The following SESTD1 variants were observed in gnomAD, a reference collection of about 807,000 sequenced individuals.
SESTD1 encodes SEC14 and spectrin domain containing 1, also known as SEC14 domain and spectrin repeat-containing protein 1.
Under a neutral mutation model 101.7 loss-of-function variants are expected in SESTD1, and 43 were observed. The observed-to-expected ratio is 0.42, with a 90% CI of 0.33 to 0.55. The LOEUF is 0.55. Among genes scored for constraint, SESTD1 ranks in the 20% least tolerant of loss-of-function variants. SESTD1 has a pLI of 0.07. For missense variants in SESTD1, 647 were observed against 815.1 expected (o/e 0.79, Z 2.51); for synonymous variants, 283 against 286.8 (o/e 0.99, Z 0.13).
chr2:179,195,035 C>A (rs2046369176), intron 1 of SESTD1, among the ~76,000 whole-genome samples: 1 of 152,174 alleles, frequency 6.6e-6, no homozygotes, highest in Non-Finnish European at 1.5e-5. Context: ...AATGCAAGGA[C>A]AAGAGACAGG....
At chr2:179,239,866 GAT>G (rs1491103646) in intron 1 of SESTD1, among the ~76,000 whole-genome samples, 4 of 152,184 alleles carry the variant, frequency 2.6e-5, no homozygotes, top group Middle Eastern at 3.2e-3. Flanking sequence ...TGGTGATACT[GAT>G]ATATTAACAA....
intron 1 of SESTD1, among the ~76,000 whole-genome samples, chr2:179,197,107 T>C (rs537345011): frequency 1.3e-5 from 2 of 151,690 alleles, no homozygotes; most frequent in East Asian, 1.9e-4. Context: ...TACAGAGAAG[T>C]ACTTAAAGGA....
In SESTD1 at chr2:179,113,678, G is replaced by T. The variant is rs528445746; in HGVS notation, c.1840-833C>A. 1.3e-4 allele frequency among the ~76,000 whole-genome samples: 20 copies of T among 152,072 alleles called. No homozygotes were observed. The East Asian group carries it at 3.7e-3, about 28-fold the overall frequency. On this transcript the variant is annotated intron_variant, in intron 16 of 17. Transcript: ENST00000428443. ...TTCTAATCATTATACTATACAATTT[G>T]CTTATAGTTGTGGTTATTTATATTT...
At chr2:179,170,771 GAGTT>G (rs1221611850) in intron 5 of SESTD1, among the ~76,000 whole-genome samples, 3 of 152,160 alleles carry the variant, frequency 2.0e-5, no homozygotes, top group African/African-American at 4.8e-5. Context: ...GCTGGAGACT[GAGTT>G]AGTTAATCAC....
intron 1 of SESTD1, among the ~76,000 whole-genome samples, chr2:179,246,529 C>A (rs986768939): frequency 1.3e-5 from 2 of 152,096 alleles, no homozygotes. Context: ...AAGTGTCTAT[C>A]GAACAACTAC....
chr2:179,108,033 C>A lies in SESTD1; in HGVS notation c.*1866G>T, dbSNP rs956847115. The A allele has an allele frequency of 1.3e-5, 2 of 152,056 alleles. No homozygotes were observed. The highest frequency in any genetic ancestry group is 4.8e-5 in the African/African-American group (2 of 41,404). The allele number at this position is 152,056 out of a possible 1,614,324, so 9.4% of individuals were successfully genotyped here. Reference sequence around the variant, plus strand: ...TGTTTGACTAGGAAAAAAGGCTGCACCATTAACCTAAATTGTTCCAGGAGG... The same window carrying A: ...TGTTTGACTAGGAAAAAAGGCTGCAACATTAACCTAAATTGTTCCAGGAGG... On this transcript the variant is annotated 3_prime_UTR_variant, in exon 18 of 18. Coordinates refer to ENST00000428443, the MANE Select transcript of SESTD1 (RefSeq NM_178123.5).
chr2:179,246,909 A>G (rs1216593931), intron 1 of SESTD1, among the ~76,000 whole-genome samples: 2 of 152,364 alleles, frequency 1.3e-5, no homozygotes, highest in East Asian at 1.9e-4. Context: ...GGAAAGATCT[A>G]CTCAGCAGTC....
chr2:179,221,907 T>A (rs2046820957), intron 1 of SESTD1, among the ~76,000 whole-genome samples: 1 of 151,872 alleles, frequency 6.6e-6, no homozygotes, highest in African/African-American at 2.4e-5. Context: ...GTGACGGAGT[T>A]AGACCCTGTC....
Position 179,143,508 on chromosome 2 carries a change from T to C in SESTD1, c.849+84A>G, listed in dbSNP as rs543286815. 5 of 1,165,380 alleles carry C rather than the reference T, an allele frequency of 4.3e-6. No individual in the cohort carries two copies. The Admixed American group carries it at 5.9e-5, about 14-fold the overall frequency. The allele number at this position is 1,165,380 out of a possible 1,614,324, so 72.2% of individuals were successfully genotyped here. A position where few individuals can be genotyped will look rare whatever the true frequency, so the allele number is the denominator to read the frequency against. On this transcript the variant is annotated intron_variant, in intron 9 of 17. Coordinates refer to ENST00000428443, the MANE Select transcript of SESTD1 (RefSeq NM_178123.5). ...ATGTGTTCTAAGGTTTTCTATATAGTGTATATAAGACTTAATAGTCAGTCA... is the reference window on the plus strand; with the variant it reads ...ATGTGTTCTAAGGTTTTCTATATAGCGTATATAAGACTTAATAGTCAGTCA...
intron 1 of SESTD1, among the ~76,000 whole-genome samples, chr2:179,241,965 A>C (rs1242648645): frequency 1.3e-5 from 2 of 151,986 alleles, no homozygotes; most frequent in Non-Finnish European, 2.9e-5. Flanking sequence ...AGGAAGGCCT[A>C]GAGGGAGCAA....
chr2:179,164,217 A>C (rs1039721833), intron 5 of SESTD1, among the ~76,000 whole-genome samples: 8 of 152,300 alleles, frequency 5.3e-5, no homozygotes, highest in Non-Finnish European at 8.8e-5. Flanking sequence ...AAAGAATCAG[A>C]ATAAATGGAG....
intron 1 of SESTD1, among the ~76,000 whole-genome samples, chr2:179,225,069 T>C (rs2046864480): frequency 6.6e-6 from 1 of 152,192 alleles, no homozygotes; most frequent in Non-Finnish European, 1.5e-5. Context: ...AAGGGTAGTC[T>C]TGTGGGACTC....
Position 179,115,166 on chromosome 2 carries a change from G to C in SESTD1, c.1738C>G (p.Leu580Val), listed in dbSNP as rs2044600478. The part of the protein sequence containing the change: ...RCTSRSSGDT[L>V]PRLNRVWKQF... Reference sequence around the variant, plus strand: ...TTCCATACTCTGTTCAGTCGAGGAAGTGTATCCCCAGATGACCGAGAAGTG... The same window carrying C: ...TTCCATACTCTGTTCAGTCGAGGAACTGTATCCCCAGATGACCGAGAAGTG... The change falls in exon 16 of 18, where the codon CTT becomes GTT. Residue 580 changes from leucine (L) to valine (V), a missense_variant. By Grantham distance (32) the Leu-to-Val change is conservative (BLOSUM62 1). This residue lies in a region of SESTD1 where 476 missense variants were observed against 562.6 expected (regional missense o/e 0.85). Transcript: ENST00000428443. 1.2e-6 allele frequency: 2 copies of C among 1,613,914 alleles called. No homozygotes were observed. The highest frequency in any genetic ancestry group is 2.2e-5 in the South Asian group (2 of 91,072).
chr2:179,242,876 T>C (rs527812454), intron 1 of SESTD1, among the ~76,000 whole-genome samples: 1 of 152,312 alleles, frequency 6.6e-6, no homozygotes, highest in East Asian at 1.9e-4. Flanking sequence ...AATACCATTC[T>C]AGACATCAGC....
At chr2:179,182,113 A>T (rs916051265) in intron 3 of SESTD1, among the ~76,000 whole-genome samples, 2 of 152,170 alleles carry the variant, frequency 1.3e-5, no homozygotes, top group Admixed American at 6.6e-5. Flanking sequence ...GAAAAAAGCT[A>T]TTGTGTCAAT....
intron 1 of SESTD1, among the ~76,000 whole-genome samples, chr2:179,196,046 G>A (rs1044839244): frequency 3.3e-5 from 5 of 152,114 alleles, no homozygotes; most frequent in South Asian, 2.1e-4. Flanking sequence ...CTGAGGTACC[G>A]GGTTCATCTC....
At chr2:179,263,411 G>A (rs1306589828) in intron 1 of SESTD1, among the ~76,000 whole-genome samples, 3 of 152,116 alleles carry the variant, frequency 2.0e-5, no homozygotes, top group African/African-American at 7.2e-5. Context: ...ATAAGATTTA[G>A]CCAGCCAAAA....
At chr2:179,116,431 G>A (rs1249089412) in intron 15 of SESTD1, 30 of 556,650 alleles carry the variant, frequency 5.4e-5, no homozygotes, top group South Asian at 1.2e-4. Flanking sequence ...TAAAAATGCC[G>A]TAATACATAG....
rs2046581536 is a variant in SESTD1, at chr2:179,205,711, C to T, written c.-25-13845G>A. On this transcript the variant is annotated intron_variant, in intron 1 of 17. Transcript: ENST00000428443. ...AAGTGATAAAAATGCAGCTTAAATA[C>T]TAAAGAGAAATACAGTTTTGTGGGT... Among the ~76,000 whole-genome samples, 2 of 134,900 alleles carry T rather than the reference C, an allele frequency of 1.5e-5. 1 individual carries two copies. Among genetic ancestry groups the T allele is most frequent in the African/African-American group, 5.9e-5 (2 of 34,102 alleles). 88.5% of individuals were successfully genotyped at this position (134,900 alleles called of 152,430 possible). A position where few individuals can be genotyped will look rare whatever the true frequency, so the allele number is the denominator to read the frequency against.
Sources: allele counts gnomAD v4.1 joint callset (sites outside exome capture counted in the v4.1 genomes callset), GRCh38; gene constraint gnomAD v4.1.1; regional missense constraint gnomAD v4.1.1; transcripts MANE v1.5; gene names NCBI Gene and HGNC (gene_info 2026-07-23, HGNC 2026-07-21).